The following GNA12 variants were observed in gnomAD, a reference collection of about 807,000 sequenced individuals.
GNA12 encodes G protein subunit alpha 12.
GNA12 carries 9 observed loss-of-function variants against 26.0 expected under a neutral mutation model. The observed-to-expected ratio is 0.35, with a 90% CI of 0.21 to 0.60. GNA12 has a LOEUF of 0.60. Among genes scored for constraint, GNA12 ranks in the 20% least tolerant of loss-of-function variants. GNA12 has a pLI of 0.78. For missense variants in GNA12, 405 were observed against 525.8 expected, an observed-to-expected ratio of 0.77 and a Z score of 2.25; for synonymous variants, 264 against 219.6, an observed-to-expected ratio of 1.20 and a Z score of -1.79.
At chr7:2,798,447 C>T (rs542467618) in intron 1 of GNA12, among the ~76,000 whole-genome samples, 3 of 152,132 alleles carry the variant, frequency 2.0e-5, no homozygotes, top group South Asian at 2.1e-4. Context: ...ACTAAAAAAA[C>T]GAAACAGGTA....
chr7:2,819,747 A>C (rs1407240821), intron 1 of GNA12, among the ~76,000 whole-genome samples: 1 of 152,230 alleles, frequency 6.6e-6, no homozygotes, highest in Non-Finnish European at 1.5e-5. Flanking sequence ...ACAGATAAAC[A>C]CAAGCACGGT....
intron 2 of GNA12, among the ~76,000 whole-genome samples, chr7:2,787,885 T>C (rs542154415): frequency 1.3e-5 from 2 of 152,310 alleles, no homozygotes; most frequent in South Asian, 4.1e-4. Flanking sequence ...CCGGGCACCA[T>C]GGCTCACGCC....
At chr7:2,769,104 A>C (rs1331032285) in intron 2 of GNA12, among the ~76,000 whole-genome samples, 1 of 152,082 alleles carries the variant, frequency 6.6e-6, no homozygotes, top group African/African-American at 2.4e-5. Context: ...AGGTTTCACC[A>C]TGGTAGCCAG....
intron 1 of GNA12, among the ~76,000 whole-genome samples, chr7:2,810,901 A>G (rs1282133477): frequency 6.7e-6 from 1 of 149,790 alleles, no homozygotes; most frequent in Non-Finnish European, 1.5e-5. Context: ...TCTGTCTTAA[A>G]AAAGAAAGAA....
rs1458678249 is a variant in GNA12 at position 2,744,684 on chromosome 7, G to C, written c.526-11183C>G. ...GCTGGATGGACAATGACTTTGACGA[G>C]TTGAGAAAAGAAGGCTTCAGACAAT... is the stretch of plus-strand genomic sequence containing the variant. On this transcript the variant is annotated intron_variant, in intron 2 of 3. Transcript: ENST00000275364. Among the ~76,000 whole-genome samples the C allele has an allele frequency of 3.3e-5, 5 of 152,316 alleles. No individual in the cohort carries two copies. In the East Asian group the frequency reaches 9.6e-4, roughly 29 times the overall value.
intron 2 of GNA12, among the ~76,000 whole-genome samples, chr7:2,792,209 CAGT>C (rs1305642531): frequency 6.6e-6 from 1 of 152,168 alleles, no homozygotes; most frequent in African/African-American, 2.4e-5. Flanking sequence ...GGGTCTCACA[CAGT>C]AGGTGATCCA....
At chr7:2,783,700 T>TTATTTATTTA (rs1562426072) in intron 2 of GNA12, among the ~76,000 whole-genome samples, 2 of 141,220 alleles carry the variant, frequency 1.4e-5, no homozygotes, top group African/African-American at 5.0e-5. Flanking sequence ...ATTTATTTAT[T>TTATTTATTTA]TTGAGATGTA....
chr7:2,762,499 G>A lies in GNA12; in HGVS notation c.526-28998C>T, dbSNP rs569333076. 39 of 852,494 alleles carry A rather than the reference G, an allele frequency of 4.6e-5. No individual in the cohort carries two copies. The South Asian group carries it at 8.6e-4, about 19-fold the overall frequency. The allele number at this position is 852,494 out of a possible 1,614,324, so 52.8% of individuals were successfully genotyped here. On this transcript the variant is annotated intron_variant, in intron 2 of 3. Transcript: ENST00000275364. ...CCCGTGTGCGGGGCCTGAGGTGTGA[G>A]TAGCCTAACTGTGGACTACAAAAGC... is the stretch of plus-strand genomic sequence containing the variant.
intron 2 of GNA12, among the ~76,000 whole-genome samples, chr7:2,761,391 T>G (rs78799698): frequency 0.012 from 1,859 of 152,324 alleles, 49 homozygotes; most frequent in African/African-American, 0.042. Context: ...ACCAGACATC[T>G]GTGCCACACA....
chr7:2,768,792 T>C (rs1791876742), intron 2 of GNA12, among the ~76,000 whole-genome samples: 1 of 152,166 alleles, frequency 6.6e-6, no homozygotes, highest in Non-Finnish European at 1.5e-5. Context: ...TCTACCTTTG[T>C]TTCTGTATTT....
At chr7:2,791,141 G>A (rs1242712353) in intron 2 of GNA12, among the ~76,000 whole-genome samples, 2 of 152,150 alleles carry the variant, frequency 1.3e-5, no homozygotes, top group African/African-American at 4.8e-5. Context: ...TAAAAAAGAG[G>A]ACAGACAAGA....
chr7:2,806,457 C>CAAAA lies in GNA12; in HGVS notation c.310-11318_310-11315dup, dbSNP rs34036056. 3.6e-3 allele frequency among the ~76,000 whole-genome samples: 292 copies of CAAAA among 80,594 alleles called. 8 individuals are homozygous for CAAAA. The highest frequency in any genetic ancestry group is 0.011 in the African/African-American group (227 of 20,096). The allele number at this position is 80,594 out of a possible 152,430, so 52.9% of individuals were successfully genotyped here. On this transcript the variant is annotated intron_variant, in intron 1 of 3. Coordinates refer to ENST00000275364, the MANE Select transcript of GNA12 (RefSeq NM_007353.3). ...TGGGGGATAGAGCGAGACTCTGTCT[C>CAAAA]AAAAAAAAAAAAAAAAAAAAAGAAA...
chr7:2,750,088 C>T (rs1307566405), intron 2 of GNA12, among the ~76,000 whole-genome samples: 1 of 152,184 alleles, frequency 6.6e-6, no homozygotes, highest in African/African-American at 2.4e-5. Context: ...AAACTCATAG[C>T]AAGGATGCTA....
chr7:2,763,068 C>G lies in GNA12; in HGVS notation c.526-29567G>C, dbSNP rs1791644390. On this transcript the variant is annotated intron_variant, in intron 2 of 3. Transcript: ENST00000275364. The stretch of plus-strand genomic sequence containing the variant: ...CGTTCCTCCAGGACGCAGACCGGGG[C>G]TCCCTACCAGCCTTGAGTGAGAGAC... 12 of 1,248,280 alleles carry G rather than the reference C, an allele frequency of 9.6e-6. No individual in the cohort carries two copies. The South Asian group carries it at 4.0e-4, about 42-fold the overall frequency. 77.3% of individuals were successfully genotyped at this position (1,248,280 alleles called of 1,614,324 possible).
At chr7:2,759,397 A>G (rs1791454828) in intron 2 of GNA12, among the ~76,000 whole-genome samples, 2 of 152,118 alleles carry the variant, frequency 1.3e-5, no homozygotes, top group Non-Finnish European at 2.9e-5. Context: ...CATTCTCACA[A>G]TACTCACGGT....
At chr7:2,748,902 A>G (rs992207188) in intron 2 of GNA12, among the ~76,000 whole-genome samples, 26 of 152,282 alleles carry the variant, frequency 1.7e-4, no homozygotes, top group Non-Finnish European at 3.4e-4. Context: ...CAAAAGACAC[A>G]TGAAAAAATG....
intron 1 of GNA12, chr7:2,814,772 T>A: frequency 9.5e-7 from 1 of 1,047,472 alleles, no homozygotes; most frequent in Admixed American, 2.1e-5. Flanking sequence ...CCAACACACA[T>A]CCTAGAAAGG....
intron 2 of GNA12, among the ~76,000 whole-genome samples, chr7:2,787,044 G>A (rs142618090): frequency 6.6e-6 from 1 of 152,194 alleles, no homozygotes; most frequent in East Asian, 1.9e-4. Flanking sequence ...AGGCAGCCTG[G>A]GCGTACTCAC....
intron 2 of GNA12, among the ~76,000 whole-genome samples, chr7:2,785,818 G>A (rs1265040510): frequency 6.6e-6 from 1 of 152,144 alleles, no homozygotes; most frequent in East Asian, 1.9e-4. Context: ...AGACTGAGGT[G>A]GGTGGATCAC....
Sources: gnomAD v4.1 joint callset for allele counts (sites outside exome capture counted in the v4.1 genomes callset) on GRCh38, gnomAD v4.1.1 for gene constraint, MANE v1.5 for transcripts, NCBI Gene and HGNC (gene_info 2026-07-23, HGNC 2026-07-21) for gene names.